Variants in IL1RAPL1 observed in about 807,000 individuals in gnomAD.
The protein encoded by IL1RAPL1 is interleukin 1 receptor accessory protein like 1, also known as interleukin-1 receptor accessory protein-like 1.
A neutral mutation model predicts 48.4 loss-of-function variants in IL1RAPL1; 3 were observed. That is an observed-to-expected ratio of 0.06 (90% CI 0.03 to 0.16). The LOEUF (loss-of-function observed/expected upper bound fraction) is 0.16, where lower values mean the gene tolerates loss of function less well. IL1RAPL1 is among the 10% of genes least tolerant of loss of function. The pLI is 1.00. For missense variants in IL1RAPL1, 349 were observed against 530.6 expected, an observed-to-expected ratio of 0.66 and a Z score of 3.36; for synonymous variants, 185 against 187.7, an observed-to-expected ratio of 0.99 and a Z score of 0.12.
At chrX:29,219,154 C>A (rs1480560083) in intron 2 of IL1RAPL1, among the ~76,000 whole-genome samples, 4 of 112,032 alleles carry the variant, frequency 3.6e-5, no homozygotes, top group Non-Finnish European at 5.6e-5. Flanking sequence ...AGTCCATACC[C>A]TTTGATTAAT....
chrX:29,925,740 A>G lies in IL1RAPL1; in HGVS notation c.1057+5646A>G, dbSNP rs748736004. On this transcript the variant is annotated intron_variant, in intron 8 of 10. Transcript: ENST00000378993. ...AAAATTGTAGAGACAGGGTCTCCCT[A>G]TGTTTCCCAGGCTGGTCTTGAACTC... 9.2e-5 allele frequency among the ~76,000 whole-genome samples: 10 copies of G among 108,808 alleles called. No homozygotes were observed. The East Asian group carries it at 1.5e-3, about 16-fold the overall frequency. 94.5% of individuals were successfully genotyped at this position (108,808 alleles called of 115,157 possible). A position where few individuals can be genotyped will look rare whatever the true frequency, so the allele number is the denominator to read the frequency against.
At chrX:29,843,885 T>G (rs1007625500) in intron 6 of IL1RAPL1, among the ~76,000 whole-genome samples, 1 of 110,592 alleles carries the variant, frequency 9.0e-6, no homozygotes, top group Non-Finnish European at 1.9e-5. Flanking sequence ...AAGATCCTTA[T>G]GACTGGACCC....
chrX:28,752,182 T>C (rs1001057324), intron 1 of IL1RAPL1, among the ~76,000 whole-genome samples: 2 of 111,963 alleles, frequency 1.8e-5, no homozygotes, highest in African/African-American at 6.5e-5. Context: ...TTTAACATTC[T>C]CTCCATTTTC....
At chrX:29,156,026 T>G in intron 2 of IL1RAPL1, among the ~76,000 whole-genome samples, 1 of 111,290 alleles carries the variant, frequency 9.0e-6, no homozygotes, top group Middle Eastern at 4.7e-3. Flanking sequence ...CATTATTACA[T>G]TATTTATTTA....
intron 2 of IL1RAPL1, among the ~76,000 whole-genome samples, chrX:28,907,429 A>C (rs1264348507): frequency 9.0e-6 from 1 of 110,896 alleles, no homozygotes; most frequent in Non-Finnish European, 1.9e-5. Flanking sequence ...TAATTTTTGT[A>C]TTTTTAGTAG....
intron 2 of IL1RAPL1, among the ~76,000 whole-genome samples, chrX:29,151,788 G>A (rs1384623373): frequency 9.0e-6 from 1 of 110,900 alleles, no homozygotes; most frequent in African/African-American, 3.3e-5. Context: ...TGTAGTGCAA[G>A]TGAGAAGAGA....
chrX:29,682,633 T>C (rs759710709), intron 6 of IL1RAPL1, among the ~76,000 whole-genome samples: 1 of 112,538 alleles, frequency 8.9e-6, no homozygotes, highest in East Asian at 2.8e-4. Context: ...TTAGAGCATG[T>C]ACTATAATGT....
intron 2 of IL1RAPL1, among the ~76,000 whole-genome samples, chrX:28,981,143 A>G (rs1197409526): frequency 9.7e-6 from 1 of 103,311 alleles, no homozygotes; most frequent in Admixed American, 1.1e-4. Flanking sequence ...AGAAAGAAAG[A>G]AAAGAAAAAA....
At chrX:29,199,149 A>G (rs907982800) in intron 2 of IL1RAPL1, among the ~76,000 whole-genome samples, 1 of 112,028 alleles carries the variant, frequency 8.9e-6, no homozygotes, top group African/African-American at 3.2e-5. Context: ...TATCTGATAA[A>G]TATCCACTAC....
intron 2 of IL1RAPL1, among the ~76,000 whole-genome samples, chrX:29,125,805 A>T (rs770144103): frequency 3.6e-5 from 4 of 110,246 alleles, no homozygotes; most frequent in Non-Finnish European, 7.6e-5. Flanking sequence ...TCAAGCAAAG[A>T]AGTACCCAGT....
chrX:28,737,087 CGTTTT>C (rs1276393588), intron 1 of IL1RAPL1, among the ~76,000 whole-genome samples: 26 of 102,894 alleles, frequency 2.5e-4, no homozygotes, highest in Non-Finnish European at 3.9e-5. Context: ...CTTTTCTTTT[CGTTTT>C]GTTTCTTTTC....
In IL1RAPL1 at chrX:28,632,233, A is replaced by G. The variant is rs148901161; in HGVS notation, c.-25+44186A>G. Among the ~76,000 whole-genome samples the G allele has an allele frequency of 9.4e-3, 1,049 of 111,509 alleles. 9 individuals are homozygous for G. Among genetic ancestry groups the G allele is most frequent in the African/African-American group, 0.032 (982 of 30,701 alleles). On this transcript the variant is annotated intron_variant, in intron 1 of 10. Coordinates refer to ENST00000378993, the MANE Select transcript of IL1RAPL1 (RefSeq NM_014271.4). ...CTCACTTCCTGGTTAGTGGATATCT[A>G]TCTGCCTTCTCACTGTGTCTTTATA...
rs180870124 is a variant in IL1RAPL1, at chrX:29,559,854, C to T, written c.704-108576C>T. On this transcript the variant is annotated intron_variant, in intron 5 of 10. Coordinates refer to ENST00000378993, the MANE Select transcript of IL1RAPL1 (RefSeq NM_014271.4). ...TTTATATCTTTTTATATCATATATT[C>T]ATTAAGAAATTATTAAGGCTCTAGT... Among the ~76,000 whole-genome samples, 4 of 111,339 alleles carry T rather than the reference C, an allele frequency of 3.6e-5. No individual in the cohort carries two copies. In the East Asian group the frequency reaches 1.1e-3, roughly 31 times the overall value.
At chrX:29,410,438 G>A (rs1934129390) in intron 5 of IL1RAPL1, among the ~76,000 whole-genome samples, 1 of 107,257 alleles carries the variant, frequency 9.3e-6, no homozygotes, top group Admixed American at 1.0e-4. Context: ...TCTAGCCTGG[G>A]CAACAGAGCA....
At chrX:28,773,538 A>G (rs1176847012) in intron 1 of IL1RAPL1, among the ~76,000 whole-genome samples, 1 of 112,088 alleles carries the variant, frequency 8.9e-6, no homozygotes, top group Non-Finnish European at 1.9e-5. Flanking sequence ...TATTTTACAA[A>G]TGATGCATTG....
chrX:29,199,377 A>G (rs1012592923), intron 2 of IL1RAPL1, among the ~76,000 whole-genome samples: 7 of 111,206 alleles, frequency 6.3e-5, no homozygotes, highest in Admixed American at 9.6e-5. Flanking sequence ...GCTCTTATAT[A>G]CTTAAATTAA....
At chrX:28,855,075 A>G (rs1217347191) in intron 2 of IL1RAPL1, among the ~76,000 whole-genome samples, 1 of 111,870 alleles carries the variant, frequency 8.9e-6, no homozygotes, top group African/African-American at 3.3e-5. Flanking sequence ...GTTGGAGTGC[A>G]GTGGCGCGAT....
At chrX:28,860,492 CT>C (rs1921915318) in intron 2 of IL1RAPL1, among the ~76,000 whole-genome samples, 1 of 98,367 alleles carries the variant, frequency 1.0e-5, no homozygotes, top group Non-Finnish European at 2.0e-5. Context: ...AGTTTTTGCT[CT>C]TGTTTCCAGG....
chrX:28,763,134 C>T (rs1185407955), intron 1 of IL1RAPL1, among the ~76,000 whole-genome samples: 1 of 110,951 alleles, frequency 9.0e-6, no homozygotes, highest in African/African-American at 3.3e-5. Context: ...GGGTCATCTG[C>T]TTATTCCTGG....
Sources: allele counts gnomAD v4.1 joint callset (sites outside exome capture counted in the v4.1 genomes callset), GRCh38; gene constraint gnomAD v4.1.1; transcripts MANE v1.5; gene names NCBI Gene and HGNC (gene_info 2026-07-23, HGNC 2026-07-21).